The following PCSK2 variants were observed in gnomAD, a reference collection of about 807,000 sequenced individuals.
PCSK2 encodes proprotein convertase subtilisin/kexin type 2.
In PCSK2, 14 loss-of-function variants were observed where a neutral mutation model predicts 69.7. The ratio of observed to expected loss-of-function variants is 0.20; its 90% CI spans 0.13 to 0.31. PCSK2 has a LOEUF of 0.31. PCSK2 is among the 10% of genes least tolerant of loss of function. The pLI is 1.00. For missense variants in PCSK2, 544 were observed against 842.5 expected (o/e 0.65, Z 4.39); for synonymous variants, 307 against 320.7 (o/e 0.96, Z 0.46).
chr20:17,244,504 T>C (rs940061734), intron 1 of PCSK2, among the ~76,000 whole-genome samples: 2 of 152,200 alleles, frequency 1.3e-5, no homozygotes, highest in African/African-American at 4.8e-5. Context: ...CCTTGAGATG[T>C]AGATAAGATC....
At chr20:17,309,704 G>C (rs372431920) in intron 2 of PCSK2, among the ~76,000 whole-genome samples, 98 of 152,216 alleles carry the variant, frequency 6.4e-4, no homozygotes, top group African/African-American at 2.3e-3. Flanking sequence ...TGTAATCCCT[G>C]CTACTCGGGA....
At chr20:17,457,032 T>C (rs2032935278) in intron 10 of PCSK2, among the ~76,000 whole-genome samples, 3 of 152,178 alleles carry the variant, frequency 2.0e-5, no homozygotes, top group Admixed American at 2.0e-4. Flanking sequence ...GTCCTCACCA[T>C]CCTATGGAGA....
chr20:17,277,025 C>T lies in PCSK2; in HGVS notation c.282+16681C>T, dbSNP rs567214337. On this transcript the variant is annotated intron_variant, in intron 2 of 11. Coordinates refer to ENST00000262545, the MANE Select transcript of PCSK2 (RefSeq NM_002594.5). ...CCAACTTACAAGGGATGTGAAGGAC[C>T]TCTTCAAGGAGAACTACAAACCACT... Among the ~76,000 whole-genome samples, 765 of 152,096 alleles carry T rather than the reference C, an allele frequency of 5.0e-3. 5 individuals are homozygous for T. Among genetic ancestry groups the T allele is most frequent in the Non-Finnish European group, 7.6e-3 (518 of 67,982 alleles).
Position 17,398,039 on chromosome 20 carries a change from T to C in PCSK2, c.544-11224T>C, listed in dbSNP as rs764368803. Among the ~76,000 whole-genome samples, 40 of 152,272 alleles carry C rather than the reference T, an allele frequency of 2.6e-4. No individual in the cohort carries two copies. In the Middle Eastern group the frequency reaches 0.01, roughly 39 times the overall value. Reference sequence around the variant, plus strand: ...TTCTCTTCTGTTAAAGCAGATAATATTGGGAAAGGCAATGTCTGAATGTAT... The same window carrying C: ...TTCTCTTCTGTTAAAGCAGATAATACTGGGAAAGGCAATGTCTGAATGTAT... On this transcript the variant is annotated intron_variant, in intron 5 of 11. Transcript: ENST00000262545.
intron 2 of PCSK2, among the ~76,000 whole-genome samples, chr20:17,261,666 G>A (rs564404725): frequency 1.3e-5 from 2 of 152,140 alleles, no homozygotes; most frequent in Non-Finnish European, 2.9e-5. Flanking sequence ...CTTGGCCTTG[G>A]CTATACCAAT....
In PCSK2 at chr20:17,453,664, C is replaced by T; in HGVS notation, c.886-78C>T. ...AGGTTCAACTGCTGAAGAAGCCCAA[C>T]CCCTGGGCTGGAGACCTCCCCTGCC... On this transcript the variant is annotated intron_variant, in intron 8 of 11. Coordinates refer to ENST00000262545, the MANE Select transcript of PCSK2 (RefSeq NM_002594.5). This position sits in a 1 kb window ranked among gnomAD's most constrained non-coding sequence, Gnocchi z 4.0. 1 of 1,530,926 alleles carries T rather than the reference C, an allele frequency of 6.5e-7. No homozygotes were observed. 94.8% of individuals were successfully genotyped at this position (1,530,926 alleles called of 1,614,324 possible).
chr20:17,227,412 T>G lies in PCSK2; in HGVS notation c.107T>G (p.Val36Gly). The G allele has an allele frequency of 6.2e-7, 1 of 1,613,792 alleles. No individual in the cohort carries two copies. Among genetic ancestry groups the G allele is most frequent in the Non-Finnish European group, 8.5e-7 (1 of 1,179,878 alleles). The change falls in exon 1 of 12, where the codon GTG (valine) becomes GGG (glycine). Residue 36 changes from valine to glycine, a missense_variant. Around this residue, in one of 3 missense-constraint regions of PCSK2, gnomAD observed 157 missense variants for 155.0 expected, o/e 1.01. Transcript: ENST00000262545. Reference sequence around the variant, plus strand: ...CCGGTCTTCACGAATCATTTTCTTGTGGAGTTGCATAAAGGGGGAGAGGAC... The same window carrying G: ...CCGGTCTTCACGAATCATTTTCTTGGGGAGTTGCATAAAGGGGGAGAGGAC... The part of the protein sequence containing the change: ...ERPVFTNHFL[V>G]ELHKGGEDKA...
chr20:17,388,789 G>A (rs892067578), intron 5 of PCSK2, among the ~76,000 whole-genome samples: 5 of 152,028 alleles, frequency 3.3e-5, no homozygotes, highest in Admixed American at 3.3e-4. Context: ...GCGTTGATCT[G>A]GAAATTAATT....
chr20:17,433,956 C>G (rs1406435906), intron 7 of PCSK2, among the ~76,000 whole-genome samples: 2 of 131,706 alleles, frequency 1.5e-5, no homozygotes, highest in Non-Finnish European at 3.2e-5. Context: ...TCTACCTTCT[C>G]TCTCCTACAC....
intron 1 of PCSK2, among the ~76,000 whole-genome samples, chr20:17,247,317 A>G (rs1182748083): frequency 1.3e-5 from 2 of 152,226 alleles, no homozygotes; most frequent in Non-Finnish European, 2.9e-5. Flanking sequence ...TGCAGAGCTT[A>G]TCCCTGTTGG....
chr20:17,243,093 G>A (rs1440723074), intron 1 of PCSK2, among the ~76,000 whole-genome samples: 1 of 151,924 alleles, frequency 6.6e-6, no homozygotes, highest in African/African-American at 2.4e-5. Flanking sequence ...TTTCTCTATG[G>A]CCCAGCCATG....
chr20:17,478,934 T>G (rs2033340577), intron 11 of PCSK2, among the ~76,000 whole-genome samples: 1 of 152,272 alleles, frequency 6.6e-6, no homozygotes, highest in Non-Finnish European at 1.5e-5. Flanking sequence ...CCAATTGCTA[T>G]GATATTGCTT....
At chr20:17,260,863 T>A (rs1185009168) in intron 2 of PCSK2, among the ~76,000 whole-genome samples, 1 of 152,106 alleles carries the variant, frequency 6.6e-6, no homozygotes, top group Middle Eastern at 3.2e-3. Context: ...TTTCTTTTTA[T>A]CCTATATTTT....
intron 6 of PCSK2, 74 bp downstream of exon 6, chr20:17,409,413 T>C: frequency 1.0e-6 from 1 of 987,882 alleles, no homozygotes; most frequent in Admixed American, 1.8e-5. Context: ...GTTTCAGGCT[T>C]GACTACCACC....
At chr20:17,465,044 G>A in intron 10 of PCSK2, 1 of 437,140 alleles carries the variant, frequency 2.3e-6, no homozygotes, top group Non-Finnish European at 4.2e-6. Context: ...ACTTAACATT[G>A]TCAGTCTTTT....
intron 2 of PCSK2, among the ~76,000 whole-genome samples, chr20:17,262,318 A>G (rs1987420937): frequency 1.3e-5 from 2 of 152,212 alleles, no homozygotes; most frequent in Non-Finnish European, 2.9e-5. Flanking sequence ...GAAGACCAAC[A>G]GAAAATAGCA....
chr20:17,393,159 G>A (rs1041033874), intron 5 of PCSK2, among the ~76,000 whole-genome samples: 1 of 152,152 alleles, frequency 6.6e-6, no homozygotes, highest in Non-Finnish European at 1.5e-5. Flanking sequence ...AAGGACTCAT[G>A]CTGTGAACTC....
chr20:17,369,415 CAG>C, intron 5 of PCSK2, 138 bp downstream of exon 5: 1 of 721,116 alleles, frequency 1.4e-6, no homozygotes, highest in Non-Finnish European at 2.5e-6. Context: ...CACACACACA[CAG>C]GAGTACAGCT....
At chr20:17,410,822 G>T (rs1027841706) in intron 6 of PCSK2, among the ~76,000 whole-genome samples, 4 of 152,196 alleles carry the variant, frequency 2.6e-5, no homozygotes, top group African/African-American at 9.7e-5. Context: ...GCCATCCAGG[G>T]CACAGTGCTG....
Sources: gnomAD v4.1 joint callset for allele counts (sites outside exome capture counted in the v4.1 genomes callset) on GRCh38, gnomAD v4.1.1 for gene constraint, gnomAD v4.1.1 regional missense constraint, Gnocchi (gnomAD v3.1) non-coding constraint, MANE v1.5 for transcripts, NCBI Gene and HGNC (gene_info 2026-07-23, HGNC 2026-07-21) for gene names.